Variants in USP7 observed in about 807,000 individuals in gnomAD.
USP7 encodes the protein ubiquitin C-terminal hydrolase 7.
Under a neutral mutation model 162.9 loss-of-function variants are expected in USP7, and 9 were observed. The observed-to-expected ratio is 0.06, with a 90% CI of 0.03 to 0.10. USP7 has a LOEUF of 0.10. USP7 is among the 10% of genes least tolerant of loss of function. The pLI, the probability that USP7 is intolerant of heterozygous loss-of-function variation, is 1.00. For missense variants in USP7, 715 were observed against 1,373.7 expected (o/e 0.52, Z 7.58); for synonymous variants, 562 against 475.9 (o/e 1.18, Z -2.35).
intron 3 of USP7, among the ~76,000 whole-genome samples, chr16:8,921,876 G>T (rs780192822): frequency 6.6e-6 from 1 of 152,208 alleles, no homozygotes; most frequent in Non-Finnish European, 1.5e-5. Context: ...CAGCACTTAA[G>T]CCAAAGAAAG....
chr16:8,918,279 T>G (rs548841488), intron 6 of USP7, among the ~76,000 whole-genome samples: 42 of 152,210 alleles, frequency 2.8e-4, no homozygotes, highest in Middle Eastern at 3.4e-3. Context: ...CAACCAGGAG[T>G]GCCGATTTCC....
chr16:8,915,412 A>C, intron 9 of USP7, 33 bp downstream of exon 9: 1 of 1,612,520 alleles, frequency 6.2e-7, no homozygotes, highest in Non-Finnish European at 8.5e-7. Context: ...TAAAACCTTT[A>C]AAAATCATCT....
chr16:8,911,973 G>A (rs181100496), intron 10 of USP7, among the ~76,000 whole-genome samples: 2 of 152,328 alleles, frequency 1.3e-5, no homozygotes, highest in East Asian at 1.9e-4. Flanking sequence ...CTGAAAGGAT[G>A]TGGGGACAGG....
intron 1 of USP7, among the ~76,000 whole-genome samples, chr16:8,941,908 T>C (rs1596405649): frequency 6.6e-6 from 1 of 152,206 alleles, no homozygotes; most frequent in Non-Finnish European, 1.5e-5. Flanking sequence ...GGCAAGTCCC[T>C]TGGTGATCAT....
chr16:8,915,360 G>T lies in USP7; in HGVS notation c.988-16C>A. 20 of 1,613,156 alleles carry T rather than the reference G, an allele frequency of 1.2e-5. No individual in the cohort carries two copies. Among genetic ancestry groups the T allele is most frequent in the Non-Finnish European group, 1.6e-5 (19 of 1,179,568 alleles). ...GGATATAGGACTGCAAATAAGGAAAGTAAAAGTGGTTTAACTAGTAATAGT... is the reference window on the plus strand; with the variant it reads ...GGATATAGGACTGCAAATAAGGAAATTAAAAGTGGTTTAACTAGTAATAGT... On this transcript the variant is annotated splice_polypyrimidine_tract_variant and intron_variant, in intron 9 of 30. Transcript: ENST00000344836.
chr16:8,901,571 A>T (rs2061775031), intron 18 of USP7, among the ~76,000 whole-genome samples: 1 of 152,092 alleles, frequency 6.6e-6, no homozygotes, highest in Non-Finnish European at 1.5e-5. Flanking sequence ...AAGATTGCGC[A>T]TGGTCTTGTG....
At position 8,896,748 on chromosome 16, in the gene USP7, T is replaced by C. The variant is rs1018083328; in HGVS notation, c.2819+251A>G. On this transcript the variant is annotated intron_variant, in intron 26 of 30. Transcript: ENST00000344836. ...GGGAAGGAGGAAAAACGTGGCTTAA[T>C]TGTGAAACACGCATAACCCTCTGCA... Among the ~76,000 whole-genome samples, 12 of 152,212 alleles carry C rather than the reference T, an allele frequency of 7.9e-5. No individual in the cohort carries two copies. The East Asian group carries it at 1.2e-3, about 15-fold the overall frequency.
chr16:8,909,891 A>T (rs1327200023), intron 11 of USP7, among the ~76,000 whole-genome samples: 3 of 152,016 alleles, frequency 2.0e-5, no homozygotes, highest in Non-Finnish European at 4.4e-5. Flanking sequence ...GCGCCACTGC[A>T]CTCTAGCCTG....
At chr16:8,910,925 C>G (rs907467064) in intron 10 of USP7, 98 bp from the exon 11 acceptor site, 92 of 1,026,176 alleles carry the variant, frequency 9.0e-5, no homozygotes, top group Non-Finnish European at 1.3e-4. Context: ...TTAGGATTAG[C>G]AGAGAAGGTA....
chr16:8,961,514 G>A (rs1172960248), intron 1 of USP7, among the ~76,000 whole-genome samples: 5 of 122,040 alleles, frequency 4.1e-5, no homozygotes, highest in Non-Finnish European at 6.9e-5. Flanking sequence ...AGGGGGGGGG[G>A]GGCAAATACC....
At chr16:8,916,434 G>T in intron 8 of USP7, 68 bp downstream of exon 8, 3 of 1,502,824 alleles carry the variant, frequency 2.0e-6, no homozygotes, top group East Asian at 2.4e-5. Flanking sequence ...GTTTTACTTG[G>T]TAATAACTTC....
chr16:8,918,923 CAG>C, intron 6 of USP7, 106 bp downstream of exon 6: 2 of 1,081,246 alleles, frequency 1.8e-6, no homozygotes, highest in Non-Finnish European at 2.8e-6. Context: ...TCTGAGGAGA[CAG>C]GGCCAGGGGA....
At chr16:8,957,236 G>C (rs900008931) in intron 1 of USP7, among the ~76,000 whole-genome samples, 4 of 152,176 alleles carry the variant, frequency 2.6e-5, no homozygotes, top group African/African-American at 9.7e-5. Context: ...TGACTTTCTT[G>C]CCTACGCATG....
rs775080697 is a variant in USP7, at chr16:8,895,457, G to A, written c.2919+185C>T. Among the ~76,000 whole-genome samples the A allele has an allele frequency of 1.8e-4, 28 of 152,188 alleles. 1 individual carries two copies. The highest frequency in any genetic ancestry group is 3.8e-4 in the Non-Finnish European group (26 of 68,032). Reference sequence around the variant, plus strand: ...CACAGTTTCTGTCTGGATTGGGTTGGTAACCCAAACTGAGGACTAATTTCT... The same window carrying A: ...CACAGTTTCTGTCTGGATTGGGTTGATAACCCAAACTGAGGACTAATTTCT... On this transcript the variant is annotated intron_variant, in intron 27 of 30. Coordinates refer to ENST00000344836, the MANE Select transcript of USP7 (RefSeq NM_003470.3).
At chr16:8,912,441 C>A (rs2061961718) in intron 10 of USP7, among the ~76,000 whole-genome samples, 2 of 144,256 alleles carry the variant, frequency 1.4e-5, no homozygotes, top group South Asian at 4.6e-4. Flanking sequence ...CAGAGTGAGA[C>A]TCCATGTCAA....
intron 1 of USP7, among the ~76,000 whole-genome samples, chr16:8,944,487 G>T (rs1051837220): frequency 6.6e-5 from 10 of 152,184 alleles, no homozygotes; most frequent in Admixed American, 5.2e-4. Context: ...CTGGGGATGA[G>T]GTCAGAGGTA....
At chr16:8,906,146 G>C (rs4985012) in intron 13 of USP7, among the ~76,000 whole-genome samples, 1 of 152,080 alleles carries the variant, frequency 6.6e-6, no homozygotes, top group Admixed American at 6.5e-5. Flanking sequence ...ATTATCCCAC[G>C]AGCATTCAGA....
chr16:8,921,838 C>A lies in USP7; in HGVS notation c.384-543G>T, dbSNP rs1413941237. 2.6e-5 allele frequency among the ~76,000 whole-genome samples: 4 copies of A among 152,186 alleles called. 1 individual carries two copies. Among genetic ancestry groups the A allele is most frequent in the Non-Finnish European group, 5.9e-5 (4 of 68,034 alleles). On this transcript the variant is annotated intron_variant, in intron 3 of 30. Coordinates refer to ENST00000344836, the MANE Select transcript of USP7 (RefSeq NM_003470.3). The stretch of plus-strand genomic sequence containing the variant: ...TGTGGGGTGGACCACAAAAGGGCCT[C>A]TAGATCCAGGTTCAAAAACCATACA...
chr16:8,945,069 TG>T (rs1899218385), intron 1 of USP7, among the ~76,000 whole-genome samples: 1 of 152,172 alleles, frequency 6.6e-6, no homozygotes, highest in Non-Finnish European at 1.5e-5. Context: ...CTGACCAAGA[TG>T]ATGAAACCCC....
Sources: allele counts gnomAD v4.1 joint callset (sites outside exome capture counted in the v4.1 genomes callset), GRCh38; gene constraint gnomAD v4.1.1; transcripts MANE v1.5; gene names NCBI Gene and HGNC (gene_info 2026-07-23, HGNC 2026-07-21).